BBX: variants seen among roughly 807,000 people sequenced by gnomAD.
BBX encodes HMG box transcription factor BBX.
Under a neutral mutation model 100.2 loss-of-function variants are expected in BBX, and 30 were observed. The ratio of observed to expected loss-of-function variants is 0.30; its 90% CI spans 0.22 to 0.41. BBX has a LOEUF of 0.41. Among genes scored for constraint, BBX ranks in the 10% least tolerant of loss-of-function variants. The pLI is 1.00. For missense variants in BBX, 1,023 were observed against 1,129.8 expected (o/e 0.91, Z 1.35); for synonymous variants, 376 against 388.1 (o/e 0.97, Z 0.37).
At chr3:107,693,761 G>T (rs1367363691) in intron 3 of BBX, among the ~76,000 whole-genome samples, 1 of 151,680 alleles carries the variant, frequency 6.6e-6, no homozygotes, top group Non-Finnish European at 1.5e-5. Context: ...TGATGGGGAT[G>T]GCACTGAATC....
chr3:107,776,345 G>A (rs1373800176), intron 12 of BBX: 1 of 152,178 alleles, frequency 6.6e-6, no homozygotes, highest in Non-Finnish European at 1.5e-5. Context: ...CCTGAAAAGA[G>A]ATTGGTATGT....
At chr3:107,609,571 A>G (rs2054687967) in intron 2 of BBX, among the ~76,000 whole-genome samples, 2 of 152,038 alleles carry the variant, frequency 1.3e-5, no homozygotes, top group South Asian at 4.1e-4. Flanking sequence ...TGGTCTCTTC[A>G]GGTTTGGAAT....
intron 10 of BBX, among the ~76,000 whole-genome samples, chr3:107,772,417 G>A (rs772952038): frequency 3.3e-5 from 5 of 152,174 alleles, no homozygotes; most frequent in Non-Finnish European, 5.9e-5. Context: ...TCAGAGATAC[G>A]TTTGACGAGT....
At chr3:107,614,572 G>A (rs1005798349) in intron 2 of BBX, among the ~76,000 whole-genome samples, 3 of 152,042 alleles carry the variant, frequency 2.0e-5, no homozygotes, top group Non-Finnish European at 4.4e-5. Flanking sequence ...AAAATCTGAA[G>A]ATCCTCAGGC....
At chr3:107,633,248 T>TTA (rs1469096435) in intron 2 of BBX, among the ~76,000 whole-genome samples, 1 of 152,124 alleles carries the variant, frequency 6.6e-6, no homozygotes, top group African/African-American at 2.4e-5. Flanking sequence ...ATTTCATATG[T>TTA]TAACAGTTTC....
chr3:107,769,369 C>T (rs1468863562), intron 10 of BBX, among the ~76,000 whole-genome samples: 1 of 152,094 alleles, frequency 6.6e-6, no homozygotes, highest in Admixed American at 6.5e-5. Context: ...TCACAACAGC[C>T]CAATGTAGGA....
intron 2 of BBX, among the ~76,000 whole-genome samples, chr3:107,633,906 C>T (rs1356863863): frequency 6.6e-6 from 1 of 152,100 alleles, no homozygotes; most frequent in Non-Finnish European, 1.5e-5. Context: ...GTTTCTTAGC[C>T]CCTCTTCATA....
At chr3:107,539,277 T>A (rs1044813258) in intron 2 of BBX, among the ~76,000 whole-genome samples, 1 of 152,188 alleles carries the variant, frequency 6.6e-6, no homozygotes, top group African/African-American at 2.4e-5. Context: ...AGGCAGCAGC[T>A]CTGGTCTCAG....
At chr3:107,578,223 G>A (rs1401417025) in intron 2 of BBX, among the ~76,000 whole-genome samples, 1 of 152,172 alleles carries the variant, frequency 6.6e-6, no homozygotes, top group Non-Finnish European at 1.5e-5. Context: ...TAGAAGCATG[G>A]CCAGGTGCAT....
chr3:107,548,783 A>T (rs2049433956), intron 2 of BBX, among the ~76,000 whole-genome samples: 1 of 152,222 alleles, frequency 6.6e-6, no homozygotes, highest in Non-Finnish European at 1.5e-5. Context: ...TGTAGTACAT[A>T]TTCACTGTGG....
At chr3:107,584,909 T>G (rs1175807266) in intron 2 of BBX, among the ~76,000 whole-genome samples, 2 of 152,002 alleles carry the variant, frequency 1.3e-5, no homozygotes, top group African/African-American at 4.8e-5. Flanking sequence ...CTCGAACTCC[T>G]GACCTCAGAT....
At chr3:107,748,069 T>A (rs1259520790) in intron 9 of BBX, 30 bp downstream of exon 9, 1 of 1,578,256 alleles carries the variant, frequency 6.3e-7, no homozygotes, top group Non-Finnish European at 8.7e-7. Flanking sequence ...CTTTTTAGGC[T>A]AAGAAAACTT....
chr3:107,647,524 A>C (rs2057591285), intron 3 of BBX, among the ~76,000 whole-genome samples: 1 of 152,250 alleles, frequency 6.6e-6, no homozygotes, highest in African/African-American at 2.4e-5. Context: ...CCTTAATTGC[A>C]GATGGCTAAG....
At chr3:107,623,239 A>G (rs933946603) in intron 2 of BBX, among the ~76,000 whole-genome samples, 1 of 152,154 alleles carries the variant, frequency 6.6e-6, no homozygotes, top group Non-Finnish European at 1.5e-5. Flanking sequence ...TAAAGAGGAT[A>G]AAAACAACAG....
intron 4 of BBX, among the ~76,000 whole-genome samples, chr3:107,716,101 C>T (rs2062083241): frequency 6.6e-6 from 1 of 152,068 alleles, no homozygotes. Flanking sequence ...TAAATAGTCT[C>T]ATATTATTAG....
chr3:107,711,925 A>G (rs1023020421), intron 4 of BBX, among the ~76,000 whole-genome samples: 3 of 151,918 alleles, frequency 2.0e-5, no homozygotes, highest in Admixed American at 1.3e-4. Context: ...AGGCTATAGT[A>G]CAGTGGCACC....
At chr3:107,698,984 G>A (rs1445047811) in intron 3 of BBX, among the ~76,000 whole-genome samples, 1 of 151,766 alleles carries the variant, frequency 6.6e-6, no homozygotes, top group Non-Finnish European at 1.5e-5. Context: ...AGGACTATGG[G>A]CAGGAGGAAT....
At chr3:107,637,643 T>C (rs2056931262) in intron 2 of BBX, among the ~76,000 whole-genome samples, 1 of 152,194 alleles carries the variant, frequency 6.6e-6, no homozygotes, top group Non-Finnish European at 1.5e-5. Flanking sequence ...TTTCACAGGA[T>C]GTGTGATAGG....
At chr3:107,776,544 T>C (rs1044807442) in intron 12 of BBX, among the ~76,000 whole-genome samples, 1 of 152,176 alleles carries the variant, frequency 6.6e-6, no homozygotes, top group African/African-American at 2.4e-5. Flanking sequence ...AGTATAATAC[T>C]TAAGCAGGGA....
Sources: allele counts gnomAD v4.1 joint callset (sites outside exome capture counted in the v4.1 genomes callset), GRCh38; gene constraint gnomAD v4.1.1; transcripts MANE v1.5; gene names NCBI Gene and HGNC (gene_info 2026-07-23, HGNC 2026-07-21).